Variants in ST8SIA3 observed in about 807,000 individuals in gnomAD.
The protein encoded by ST8SIA3 is alpha-N-acetylneuraminate alpha-2,8-sialyltransferase ST8SIA3.
A neutral mutation model predicts 34.5 loss-of-function variants in ST8SIA3; 17 were observed. The ratio of observed to expected loss-of-function variants is 0.49; its 90% CI spans 0.34 to 0.74. The LOEUF (loss-of-function observed/expected upper bound fraction) is 0.74, where lower values mean the gene tolerates loss of function less well. Ranked by LOEUF, ST8SIA3 falls within the 30% of genes least tolerant of loss-of-function variation. The probability of loss-of-function intolerance (pLI) is 0.01; values close to 1 mark genes in which losing one functional copy is unlikely to be tolerated. For missense variants in ST8SIA3, 354 were observed against 467.8 expected (o/e 0.76, Z 2.24); for synonymous variants, 172 against 176.1 (o/e 0.98, Z 0.19).
At chr18:57,353,354 G>A (rs2049776701) in intron 1 of ST8SIA3, among the ~76,000 whole-genome samples, 1 of 151,996 alleles carries the variant, frequency 6.6e-6, no homozygotes, top group African/African-American at 2.4e-5. Context: ...GTTTGTTCGG[G>A]AGGGGGCGGC....
chr18:57,353,116 T>C (rs1166843081), intron 1 of ST8SIA3, 91 bp downstream of exon 1: 7 of 1,304,386 alleles, frequency 5.4e-6, no homozygotes, highest in Non-Finnish European at 3.2e-6. Context: ...TGTTTTGGCC[T>C]CTCCGAGACT....
Position 57,363,745 on chromosome 18 carries a change from C to A in ST8SIA3, c.*3468C>A, listed in dbSNP as rs531431788. 1 of 152,320 alleles carries A rather than the reference C, an allele frequency of 6.6e-6. No individual in the cohort carries two copies. The highest frequency in any genetic ancestry group is 2.1e-4 in the South Asian group (1 of 4,826). 9.4% of individuals were successfully genotyped at this position (152,320 alleles called of 1,614,324 possible). ...GGTATTGACCTGAGATCAAAGGAAG[C>A]AGGGACAATATTGTAGAATGCTAGG... On this transcript the variant is annotated 3_prime_UTR_variant, in exon 4 of 4. Transcript: ENST00000324000.
At position 57,363,269 on chromosome 18, in the gene ST8SIA3, T is replaced by G. The variant is rs2049842236; in HGVS notation, c.*2992T>G. The stretch of plus-strand genomic sequence containing the variant: ...TAGACGCTCTGTTTTCACTGGTTAT[T>G]CTGAGTGTCATATGCAGATGCAGAT... On this transcript the variant is annotated 3_prime_UTR_variant, in exon 4 of 4. Transcript: ENST00000324000. The G allele has an allele frequency of 6.6e-6, 1 of 152,324 alleles. No homozygotes were observed. Among genetic ancestry groups the G allele is most frequent in the Non-Finnish European group, 1.5e-5 (1 of 68,028 alleles). The allele number at this position is 152,324 out of a possible 1,614,324, so 9.4% of individuals were successfully genotyped here. A position where few individuals can be genotyped will look rare whatever the true frequency, so the allele number is the denominator to read the frequency against.
chr18:57,358,235 A>C (rs1410500833), intron 3 of ST8SIA3, among the ~76,000 whole-genome samples: 1 of 152,254 alleles, frequency 6.6e-6, no homozygotes, highest in Non-Finnish European at 1.5e-5. Flanking sequence ...GTCAGAATTG[A>C]GAACCACTAG....
At position 57,360,127 on chromosome 18, in the gene ST8SIA3, G is replaced by A. The variant is rs1362466116; in HGVS notation, c.993G>A (p.Arg331=). The A allele has an allele frequency of 6.2e-7, 1 of 1,613,974 alleles. No individual in the cohort carries two copies. The highest frequency in any genetic ancestry group is 8.5e-7 in the Non-Finnish European group (1 of 1,180,002). ...CGTTTGGATTTGACCCCAACACAAG[G>A]GAAGATCTTCCATACCATTACTATG... ...FWPFGFDPNT[R]EDLPYHYYDK... is the part of the protein sequence containing the mutation. The change falls in exon 4 of 4, where the codon AGG becomes AGA. Residue 331 remains arginine (R), a synonymous_variant. Coordinates refer to ENST00000324000, the MANE Select transcript of ST8SIA3 (RefSeq NM_015879.3).
rs909211327 is a variant in ST8SIA3, at chr18:57,354,631, A to G, written c.302+107A>G. 6.0e-6 allele frequency: 8 copies of G among 1,329,524 alleles called. No homozygotes were observed. The Admixed American group carries it at 9.8e-5, about 16-fold the overall frequency. 82.4% of individuals were successfully genotyped at this position (1,329,524 alleles called of 1,614,324 possible). A position where few individuals can be genotyped will look rare whatever the true frequency, so the allele number is the denominator to read the frequency against. On this transcript the variant is annotated intron_variant, in intron 2 of 3. Transcript: ENST00000324000. ...AAAACATCTAAAACAACAAACATCT[A>G]TACGCCCCACCCTCACCATCAGGTG...
Position 57,360,320 on chromosome 18 carries a change from C to CAAATGGCTGTTTAAAAAAGCG in ST8SIA3, c.*43_*44insAAATGGCTGTTTAAAAAAGCG, listed in dbSNP as rs2049823725. On this transcript the variant is annotated 3_prime_UTR_variant, in exon 4 of 4. Coordinates refer to ENST00000324000, the MANE Select transcript of ST8SIA3 (RefSeq NM_015879.3). ...CGCCAAATGGCTGTTTAAAAAGTGC[C>CAAATGGCTGTTTAAAAAAGCG]CCAAATCAAATTGAATAGCCTTCAG... The CAAATGGCTGTTTAAAAAAGCG allele has an allele frequency of 1.4e-5, 22 of 1,577,130 alleles. No homozygotes were observed. The highest frequency in any genetic ancestry group is 5.2e-5 in the Admixed American group (3 of 57,146).
rs1423864485 is a variant in ST8SIA3, at chr18:57,360,108, G to A, written c.974G>A (p.Gly325Glu). 1 of 1,614,128 alleles carries A rather than the reference G, an allele frequency of 6.2e-7. No individual in the cohort carries two copies. The highest frequency in any genetic ancestry group is 1.7e-5 in the Admixed American group (1 of 60,016). The change falls in exon 4 of 4, where the codon GGA becomes GAA. Residue 325 changes from glycine (G) to glutamate (E), a missense_variant. Coordinates refer to ENST00000324000, the MANE Select transcript of ST8SIA3 (RefSeq NM_015879.3). The stretch of plus-strand genomic sequence containing the variant: ...CACTTGTATGGATTTTGGCCGTTTG[G>A]ATTTGACCCCAACACAAGGGAAGAT... ...EIHLYGFWPF[G>E]FDPNTREDLP...
chr18:57,352,626 C>A lies in ST8SIA3; in HGVS notation c.-221C>A. 1 of 558,560 alleles carries A rather than the reference C, an allele frequency of 1.8e-6. No homozygotes were observed. Among genetic ancestry groups the A allele is most frequent in the South Asian group, 1.7e-5 (1 of 58,548 alleles). The allele number at this position is 558,560 out of a possible 1,614,324, so 34.6% of individuals were successfully genotyped here. On this transcript the variant is annotated 5_prime_UTR_variant, in exon 1 of 4. Coordinates refer to ENST00000324000, the MANE Select transcript of ST8SIA3 (RefSeq NM_015879.3). ...ACCGGGCCCCGCGCGCCCCTGCCTA[C>A]GGGGTCCCGCTGCTCTCCGGGGCTC...
At position 57,364,106 on chromosome 18, in the gene ST8SIA3, C is replaced by G. The variant is rs1489401842; in HGVS notation, c.*3829C>G. 1 of 152,184 alleles carries G rather than the reference C, an allele frequency of 6.6e-6. No individual in the cohort carries two copies. Among genetic ancestry groups the G allele is most frequent in the African/African-American group, 2.4e-5 (1 of 41,452 alleles). 9.4% of individuals were successfully genotyped at this position (152,184 alleles called of 1,614,324 possible). On this transcript the variant is annotated 3_prime_UTR_variant, in exon 4 of 4. Transcript: ENST00000324000. ...GCTTGTGTGGGTATGCAACTGTCCA[C>G]CAATTATCACCTACCTTCTCCCTGA...
chr18:57,360,762 AC>A lies in ST8SIA3; in HGVS notation c.*487del. The A allele has an allele frequency of 6.4e-6, 1 of 156,112 alleles. No homozygotes were observed. The allele number at this position is 156,112 out of a possible 1,614,324, so 9.7% of individuals were successfully genotyped here. A position where few individuals can be genotyped will look rare whatever the true frequency, so the allele number is the denominator to read the frequency against. On this transcript the variant is annotated 3_prime_UTR_variant, in exon 4 of 4. Transcript: ENST00000324000. Reference sequence around the variant, plus strand: ...CTATCTCCCTATCTCCATCTCTATCACCATCTCACTCCTTCCCTCTGCAACT... The same window carrying A: ...CTATCTCCCTATCTCCATCTCTATCACATCTCACTCCTTCCCTCTGCAACT...
intron 3 of ST8SIA3, among the ~76,000 whole-genome samples, chr18:57,358,670 A>G (rs1284811428): frequency 6.6e-6 from 1 of 152,128 alleles, no homozygotes; most frequent in Non-Finnish European, 1.5e-5. Flanking sequence ...TCCCCAGGAT[A>G]TATGGTCACC....
rs1294712906 is a variant in ST8SIA3 at position 57,353,008 on chromosome 18, G to A, written c.162G>A (p.Met54Ile). ...YASPGAPRMY[M>I]FHAGFRSQFA... is the part of the protein sequence containing the mutation. ...GCCCGGGGGCGCCCCGAATGTACAT[G>A]TTCCACGCGGGATTCCGGTGAGTGC... Residue 54 changes from methionine to isoleucine, a missense_variant, in exon 1 of 4, where the codon ATG becomes ATA. Around this residue, in one of 3 missense-constraint regions of ST8SIA3, gnomAD observed 184 missense variants for 205.4 expected, o/e 0.90. Transcript: ENST00000324000. 11 of 1,609,274 alleles carry A rather than the reference G, an allele frequency of 6.8e-6. No homozygotes were observed. Among genetic ancestry groups the A allele is most frequent in the Non-Finnish European group, 9.3e-6 (11 of 1,179,912 alleles).
At chr18:57,355,280 T>C (rs2049792821) in intron 2 of ST8SIA3, among the ~76,000 whole-genome samples, 1 of 152,252 alleles carries the variant, frequency 6.6e-6, no homozygotes, top group South Asian at 2.1e-4. Context: ...TACTCCTTCC[T>C]TCATGGTGGG....
At chr18:57,353,775 C>T (rs2049780863) in intron 1 of ST8SIA3, among the ~76,000 whole-genome samples, 1 of 152,198 alleles carries the variant, frequency 6.6e-6, no homozygotes, top group African/African-American at 2.4e-5. Context: ...GGAACTCTCC[C>T]AGCAGGGCCT....
At chr18:57,359,577 GCA>G (rs3981372) in intron 3 of ST8SIA3, among the ~76,000 whole-genome samples, 30,837 of 151,960 alleles carry the variant, frequency 0.2, 4,010 homozygotes, top group African/African-American at 0.37. Flanking sequence ...TGTAAGAAAA[GCA>G]CAGTCATTCT....
rs1231759334 is a variant in ST8SIA3 at position 57,353,037 on chromosome 18, CCT to C, written c.179+15_179+16del. On this transcript the variant is annotated intron_variant, in intron 1 of 3. Transcript: ENST00000324000. The stretch of plus-strand genomic sequence containing the variant: ...CACGCGGGATTCCGGTGAGTGCGGG[CCT>C]CTGTGTTAGTGCCCTCGGGAATTTG... The C allele has an allele frequency of 1.2e-6, 2 of 1,603,464 alleles. No individual in the cohort carries two copies. The highest frequency in any genetic ancestry group is 1.7e-6 in the Non-Finnish European group (2 of 1,179,306).
chr18:57,357,316 A>T lies in ST8SIA3; in HGVS notation c.706A>T (p.Lys236Ter). Reference protein sequence around the residue: ...QDRNNFFLSLKKLDGAILWIP... With the variant: ...QDRNNFFLSL ...CCGTAACAACTTTTTCCTCAGTTTA[A>T]AAAAGCTTGACGGGGCCATTCTTTG... Residue 236 changes from lysine (K) to a stop codon, truncating the protein, a stop_gained, in exon 3 of 4, where the codon AAA (lysine) becomes TAA (stop). Coordinates refer to ENST00000324000, the MANE Select transcript of ST8SIA3 (RefSeq NM_015879.3). LOFTEE classifies it high-confidence loss of function. The T allele has an allele frequency of 6.2e-7, 1 of 1,614,020 alleles. No homozygotes were observed. Among genetic ancestry groups the T allele is most frequent in the Non-Finnish European group, 8.5e-7 (1 of 1,180,006 alleles).
rs1208479208 is a variant in ST8SIA3 at position 57,361,471 on chromosome 18, A to G, written c.*1194A>G. 1.3e-5 allele frequency: 2 copies of G among 152,662 alleles called. No individual in the cohort carries two copies. Among genetic ancestry groups the G allele is most frequent in the East Asian group, 1.9e-4 (1 of 5,188 alleles). The allele number at this position is 152,662 out of a possible 1,614,324, so 9.5% of individuals were successfully genotyped here. A position where few individuals can be genotyped will look rare whatever the true frequency, so the allele number is the denominator to read the frequency against. ...AGAACCATTTGCTCTCTTTGAGAACATTGTAGCACTGGATATTCCCTCTTT... is the reference window on the plus strand; with the variant it reads ...AGAACCATTTGCTCTCTTTGAGAACGTTGTAGCACTGGATATTCCCTCTTT... On this transcript the variant is annotated 3_prime_UTR_variant, in exon 4 of 4. Coordinates refer to ENST00000324000, the MANE Select transcript of ST8SIA3 (RefSeq NM_015879.3).
Sources: allele counts gnomAD v4.1 joint callset (sites outside exome capture counted in the v4.1 genomes callset), GRCh38; gene constraint gnomAD v4.1.1; regional missense constraint gnomAD v4.1.1; transcripts MANE v1.5; gene names NCBI Gene and HGNC (gene_info 2026-07-23, HGNC 2026-07-21).